PABPC1L: variants seen among roughly 807,000 people sequenced by gnomAD.
PABPC1L encodes poly(A) binding protein cytoplasmic 1 like.
Under a neutral mutation model 66.6 loss-of-function variants are expected in PABPC1L, and 31 were observed. The ratio of observed to expected loss-of-function variants is 0.47; its 90% confidence interval spans 0.35 to 0.63. PABPC1L has a LOEUF of 0.63. Among genes scored for constraint, PABPC1L ranks in the 20% least tolerant of loss-of-function variants. The pLI, the probability that PABPC1L is intolerant of heterozygous loss-of-function variation, is 0.00. For synonymous variants in PABPC1L, 348 were observed against 335.1 expected, an observed-to-expected ratio of 1.04 and a Z score of -0.42; for missense variants, 722 against 848.8, an observed-to-expected ratio of 0.85 and a Z score of 1.86.
At chr20:44,918,773 T>G in intron 3 of PABPC1L, 133 bp from the exon 4 acceptor site, 1 of 1,065,396 alleles carries the variant, frequency 9.4e-7, no homozygotes, top group East Asian at 2.5e-5. Context: ...TTCTAAGGAG[T>G]ATTGTCCTGC....
chr20:44,939,239 T>A lies in PABPC1L; in HGVS notation c.*120T>A. 1 of 717,546 alleles carries A rather than the reference T, an allele frequency of 1.4e-6. No individual in the cohort carries two copies. Among genetic ancestry groups the A allele is most frequent in the Non-Finnish European group, 2.6e-6 (1 of 385,054 alleles). The allele number at this position is 717,546 out of a possible 1,614,324, so 44.4% of individuals were successfully genotyped here. A position where few individuals can be genotyped will look rare whatever the true frequency, so the allele number is the denominator to read the frequency against. The stretch of plus-strand genomic sequence containing the variant: ...AATTAGTCTGTATCTATACTTGGGC[T>A]CTGTATGTGAATGAAGGTTGGTCAC... On this transcript the variant is annotated 3_prime_UTR_variant, in exon 15 of 15. Transcript: ENST00000217073.
intron 7 of PABPC1L, 124 bp downstream of exon 7, chr20:44,924,380 C>G: frequency 1.4e-6 from 1 of 697,502 alleles, no homozygotes; most frequent in East Asian, 2.7e-5. Context: ...CCGGCTACCC[C>G]TTCTGGGGCT....
chr20:44,925,958 A>G (rs1192181878), intron 7 of PABPC1L, among the ~76,000 whole-genome samples: 1 of 152,164 alleles, frequency 6.6e-6, no homozygotes. Context: ...TTACTCACCT[A>G]TAAAGTGGGA....
Position 44,939,210 on chromosome 20 carries a change from T to TC in PABPC1L, c.*94dup. 1 of 717,884 alleles carries TC rather than the reference T, an allele frequency of 1.4e-6. No homozygotes were observed. 44.5% of individuals were successfully genotyped at this position (717,884 alleles called of 1,614,324 possible). ...AAGGCCCTGCAAACTCTAACTTATTTCCCAATTAGTCTGTATCTATACTTG... is the reference window on the plus strand; with the variant it reads ...AAGGCCCTGCAAACTCTAACTTATTTCCCCAATTAGTCTGTATCTATACTTG... On this transcript the variant is annotated 3_prime_UTR_variant, in exon 15 of 15. Coordinates refer to ENST00000217073, the MANE Select transcript of PABPC1L (RefSeq NM_001372179.1).
At chr20:44,915,991 A>C (rs895773096) in intron 2 of PABPC1L, among the ~76,000 whole-genome samples, 1 of 151,460 alleles carries the variant, frequency 6.6e-6, no homozygotes, top group African/African-American at 2.4e-5. Context: ...TGCCTACTTT[A>C]GCCTGAATGG....
chr20:44,918,934 G>A lies in PABPC1L; in HGVS notation c.532G>A (p.Glu178Lys). The A allele has an allele frequency of 5.6e-6, 9 of 1,606,938 alleles. No individual in the cohort carries two copies. Among genetic ancestry groups the A allele is most frequent in the Non-Finnish European group, 7.6e-6 (9 of 1,176,532 alleles). Residue 178 changes from glutamate (E) to lysine (K), a missense_variant, in exon 4 of 15, where the codon GAG (glutamate) becomes AAG (lysine). Physicochemically the swap from Glu to Lys is moderately conservative, Grantham distance 56. Coordinates refer to ENST00000217073, the MANE Select transcript of PABPC1L (RefSeq NM_001372179.1). The part of the protein sequence containing the change: ...VFVGHFKSRR[E>K]REAELGARAL... ...TGTGGGTCACTTCAAGTCTCGACGG[G>A]AGCGGGAGGCGGAGCTGGGGGCGCG...
rs1025300114 is a variant in PABPC1L at position 44,910,080 on chromosome 20, T to G, written c.-64T>G. 26 of 1,406,742 alleles carry G rather than the reference T, an allele frequency of 1.8e-5. No individual in the cohort carries two copies. The highest frequency in any genetic ancestry group is 2.4e-5 in the Non-Finnish European group (25 of 1,045,510). The allele number at this position is 1,406,742 out of a possible 1,614,324, so 87.1% of individuals were successfully genotyped here. ...CCAGGAAGGAGGGCTTCCGCCCGGG[T>G]GAGCGCGGGGCTGCTGGGTGACCCG... On this transcript the variant is annotated 5_prime_UTR_variant, in exon 1 of 15. Coordinates refer to ENST00000217073, the MANE Select transcript of PABPC1L (RefSeq NM_001372179.1).
At chr20:44,931,016 C>CCTTCCTTCCTTCCTT (rs1180097668) in intron 8 of PABPC1L, among the ~76,000 whole-genome samples, 1 of 49,066 alleles carries the variant, frequency 2.0e-5, no homozygotes, top group African/African-American at 7.5e-5. Context: ...TCCCTTCCTT[C>CCTTCCTTCCTTCCTT]CCTTCCCTCC....
rs576606344 is a variant in PABPC1L, at chr20:44,916,773, T to A, written c.405T>A (p.His135Gln). Reference sequence around the variant, plus strand: ...TGGCCCAGGTGGCGTGTGACGAGCATGGCTCCCGGGGTTTCGGCTTTGTCC... The same window carrying A: ...TGGCCCAGGTGGCGTGTGACGAGCAAGGCTCCCGGGGTTTCGGCTTTGTCC... ...ILSCKVACDE[H>Q]GSRGFGFVHF... The change falls in exon 3 of 15, where the codon CAT becomes CAA. Residue 135 changes from histidine to glutamine, a missense_variant. Physicochemically the swap from His to Gln is conservative, Grantham distance 24. Coordinates refer to ENST00000217073, the MANE Select transcript of PABPC1L (RefSeq NM_001372179.1). The A allele has an allele frequency of 6.2e-7, 1 of 1,614,096 alleles. No individual in the cohort carries two copies. The highest frequency in any genetic ancestry group is 1.3e-5 in the African/African-American group (1 of 74,944).
intron 5 of PABPC1L, among the ~76,000 whole-genome samples, chr20:44,920,289 C>T (rs1023607333): frequency 2.1e-4 from 32 of 152,042 alleles, no homozygotes; most frequent in Admixed American, 6.6e-5. Flanking sequence ...CTAAACATCC[C>T]CTGTGCTCCA....
chr20:44,914,647 A>T (rs1459821031), intron 2 of PABPC1L, among the ~76,000 whole-genome samples: 1 of 152,166 alleles, frequency 6.6e-6, no homozygotes, highest in Non-Finnish European at 1.5e-5. Flanking sequence ...GTAGTAATGC[A>T]CTAAGGGTTA....
rs1456626980 is a variant in PABPC1L at position 44,930,559 on chromosome 20, G to A, written c.1072G>A (p.Val358Met). 4 of 1,614,136 alleles carry A rather than the reference G, an allele frequency of 2.5e-6. No homozygotes were observed. Among genetic ancestry groups the A allele is most frequent in the South Asian group, 1.1e-5 (1 of 91,096 alleles). ...CGTGACAGAGATGAACGGGCGCATC[G>A]TGGGCACCAAGCCACTCTACGTGGC... ...KAVTEMNGRI[V>M]GTKPLYVALA... The change falls in exon 8 of 15, where the codon GTG becomes ATG. Residue 358 changes from valine to methionine, a missense_variant. Coordinates refer to ENST00000217073, the MANE Select transcript of PABPC1L (RefSeq NM_001372179.1).
At chr20:44,931,027 C>A (rs2066850968) in intron 8 of PABPC1L, among the ~76,000 whole-genome samples, 1 of 33,936 alleles carries the variant, frequency 2.9e-5, no homozygotes, top group Non-Finnish European at 6.2e-5. Context: ...CCTTCCCTCC[C>A]TTCCCTCCCT....
intron 5 of PABPC1L, among the ~76,000 whole-genome samples, chr20:44,920,507 C>G (rs770480802): frequency 1.1e-4 from 16 of 152,064 alleles, no homozygotes; most frequent in Non-Finnish European, 1.6e-4. Context: ...CTCACTCTGT[C>G]ACCCAGGATG....
intron 6 of PABPC1L, among the ~76,000 whole-genome samples, chr20:44,921,981 C>T (rs995499486): frequency 5.3e-5 from 8 of 152,152 alleles, no homozygotes; most frequent in Admixed American, 2.0e-4. Flanking sequence ...TAATCCTTCA[C>T]GTGGGACTGG....
At chr20:44,932,553 C>A in intron 9 of PABPC1L, 121 bp downstream of exon 9, 1 of 807,728 alleles carries the variant, frequency 1.2e-6, no homozygotes, top group Non-Finnish European at 2.0e-6. Context: ...CTTCACTTCT[C>A]TGAGCCTCAG....
At chr20:44,930,840 C>A in intron 8 of PABPC1L, 114 bp downstream of exon 8, 1 of 1,390,332 alleles carries the variant, frequency 7.2e-7, no homozygotes, top group Non-Finnish European at 9.7e-7. Flanking sequence ...CTGCCGAGGA[C>A]TCATTAGGAA....
At chr20:44,912,934 C>G in intron 2 of PABPC1L, 81 bp downstream of exon 2, 1 of 1,333,164 alleles carries the variant, frequency 7.5e-7, no homozygotes, top group Non-Finnish European at 1.0e-6. Flanking sequence ...CAACACCTCA[C>G]TTTACAGTTT....
At chr20:44,914,565 G>A (rs538261067) in intron 2 of PABPC1L, among the ~76,000 whole-genome samples, 35 of 152,270 alleles carry the variant, frequency 2.3e-4, no homozygotes, top group African/African-American at 7.9e-4. Flanking sequence ...AGTTCTCAAC[G>A]AGGGCTCTCA....
Sources: gnomAD v4.1 joint callset for allele counts (sites outside exome capture counted in the v4.1 genomes callset) on GRCh38, gnomAD v4.1.1 for gene constraint, MANE v1.5 for transcripts, NCBI Gene and HGNC (gene_info 2026-07-23, HGNC 2026-07-21) for gene names.